Variants in KCNJ6 observed in about 807,000 individuals in gnomAD.
The protein encoded by KCNJ6 is G protein-activated inward rectifier potassium channel 2.
A neutral mutation model predicts 34.2 loss-of-function variants in KCNJ6; 9 were observed. That is an observed-to-expected ratio of 0.26 (90% CI 0.16 to 0.46). KCNJ6 has a LOEUF of 0.46. Among genes scored for constraint, KCNJ6 ranks in the 20% least tolerant of loss-of-function variants. The pLI is 1.00. For missense variants in KCNJ6, 236 were observed against 531.3 expected (o/e 0.44, Z 5.46); for synonymous variants, 196 against 207.1 (o/e 0.95, Z 0.46).
chr21:37,863,769 A>G (rs2055606192), intron 1 of KCNJ6, among the ~76,000 whole-genome samples: 1 of 151,384 alleles, frequency 6.6e-6, no homozygotes, highest in Non-Finnish European at 1.5e-5. Flanking sequence ...TAACTCTTGT[A>G]AGAAAAAAAA....
At chr21:37,854,926 A>T (rs576324621) in intron 1 of KCNJ6, among the ~76,000 whole-genome samples, 1 of 152,356 alleles carries the variant, frequency 6.6e-6, no homozygotes, top group African/African-American at 2.4e-5. Flanking sequence ...AGATGCCAAC[A>T]CCCTTCTCTT....
At chr21:37,817,398 CT>C (rs1369834601) in intron 2 of KCNJ6, among the ~76,000 whole-genome samples, 2 of 152,166 alleles carry the variant, frequency 1.3e-5, no homozygotes, top group Non-Finnish European at 2.9e-5. Context: ...AGAAAGGCCC[CT>C]GATGCATACT....
chr21:37,872,776 C>T (rs534312253), intron 1 of KCNJ6, among the ~76,000 whole-genome samples: 1 of 152,278 alleles, frequency 6.6e-6, no homozygotes, highest in Non-Finnish European at 1.5e-5. Context: ...CCCCATAATC[C>T]TCACATGTCA....
chr21:37,743,204 G>T (rs986114659), intron 2 of KCNJ6, among the ~76,000 whole-genome samples: 1 of 152,088 alleles, frequency 6.6e-6, no homozygotes, highest in African/African-American at 2.4e-5. Context: ...TACTCATTTT[G>T]TCCCCAGCCC....
At chr21:37,732,323 A>G (rs1020508794) in intron 2 of KCNJ6, among the ~76,000 whole-genome samples, 3 of 152,156 alleles carry the variant, frequency 2.0e-5, no homozygotes, top group East Asian at 1.9e-4. Context: ...AGTCTTTCCA[A>G]TGGATTGTGG....
intron 3 of KCNJ6, among the ~76,000 whole-genome samples, chr21:37,638,689 G>T (rs1471513546): frequency 6.6e-6 from 1 of 152,044 alleles, no homozygotes; most frequent in Non-Finnish European, 1.5e-5. Context: ...TTTATTCTCT[G>T]CCCAAATCTG....
At chr21:37,850,525 T>C (rs1403271539) in intron 1 of KCNJ6, among the ~76,000 whole-genome samples, 2 of 152,098 alleles carry the variant, frequency 1.3e-5, no homozygotes, top group Non-Finnish European at 2.9e-5. Flanking sequence ...CCTGATGATG[T>C]GAGGTGGAAC....
chr21:37,660,370 G>C (rs1442054379), intron 3 of KCNJ6, among the ~76,000 whole-genome samples: 1 of 152,228 alleles, frequency 6.6e-6, no homozygotes, highest in South Asian at 2.1e-4. Flanking sequence ...ATGTGCCCCA[G>C]GCTGGCTTCG....
At chr21:37,857,037 T>C (rs2055568868) in intron 1 of KCNJ6, among the ~76,000 whole-genome samples, 1 of 152,202 alleles carries the variant, frequency 6.6e-6, no homozygotes, top group African/African-American at 2.4e-5. Flanking sequence ...TGAATCAAAA[T>C]CTCTGCGGAT....
chr21:37,801,665 C>A (rs1276780723), intron 2 of KCNJ6, among the ~76,000 whole-genome samples: 1 of 152,170 alleles, frequency 6.6e-6, no homozygotes, highest in African/African-American at 2.4e-5. Flanking sequence ...CTCAAAGCTG[C>A]TGGAGGCTGA....
chr21:37,743,574 G>C (rs1289942410), intron 2 of KCNJ6, among the ~76,000 whole-genome samples: 1 of 152,046 alleles, frequency 6.6e-6, no homozygotes, highest in Non-Finnish European at 1.5e-5. Context: ...GAATGAGTTT[G>C]GCCCCTCTCT....
At chr21:37,878,936 T>C (rs1006248359) in intron 1 of KCNJ6, among the ~76,000 whole-genome samples, 1 of 152,210 alleles carries the variant, frequency 6.6e-6, no homozygotes, top group Non-Finnish European at 1.5e-5. Context: ...TTTGTGCGTA[T>C]GCCTGAATCC....
intron 1 of KCNJ6, among the ~76,000 whole-genome samples, chr21:37,866,997 T>G (rs1197356133): frequency 6.6e-6 from 1 of 152,232 alleles, no homozygotes; most frequent in Non-Finnish European, 1.5e-5. Context: ...AACGCAAACA[T>G]GATTATTGTG....
intron 1 of KCNJ6, among the ~76,000 whole-genome samples, chr21:37,896,402 T>C (rs1359883238): frequency 2.0e-5 from 3 of 152,184 alleles, no homozygotes; most frequent in Non-Finnish European, 2.9e-5. Context: ...AGAAGCCACC[T>C]GTCTGGTCAT....
At chr21:37,838,065 T>C (rs903867621) in intron 2 of KCNJ6, among the ~76,000 whole-genome samples, 2 of 152,222 alleles carry the variant, frequency 1.3e-5, no homozygotes, top group African/African-American at 4.8e-5. Flanking sequence ...AATTTCCTTA[T>C]GCATTGAGAA....
chr21:37,836,992 C>T (rs2055455152), intron 2 of KCNJ6, among the ~76,000 whole-genome samples: 1 of 152,196 alleles, frequency 6.6e-6, no homozygotes, highest in African/African-American at 2.4e-5. Context: ...CCCATGGACC[C>T]TCTCTTTGTT....
intron 3 of KCNJ6, among the ~76,000 whole-genome samples, chr21:37,681,646 T>G (rs995305820): frequency 6.6e-6 from 1 of 152,236 alleles, no homozygotes; most frequent in African/African-American, 2.4e-5. Context: ...TTCATAACTT[T>G]TCTTTCACGC....
chr21:37,915,619 C>T (rs2123658524), intron 1 of KCNJ6, among the ~76,000 whole-genome samples: 1 of 152,362 alleles, frequency 6.6e-6, no homozygotes, highest in South Asian at 2.1e-4. Context: ...TCTGCGAGCC[C>T]AGGGATGCAG....
intron 2 of KCNJ6, among the ~76,000 whole-genome samples, chr21:37,804,018 G>T (rs2055281872): frequency 6.6e-6 from 1 of 152,056 alleles, no homozygotes. Context: ...AAAATACTCT[G>T]CCCCCAGTTA....
Sources: gnomAD v4.1 joint callset for allele counts (sites outside exome capture counted in the v4.1 genomes callset) on GRCh38, gnomAD v4.1.1 for gene constraint, MANE v1.5 for transcripts, NCBI Gene and HGNC (gene_info 2026-07-23, HGNC 2026-07-21) for gene names.